Variants in SRBD1 observed in about 807,000 individuals in gnomAD.
SRBD1 encodes S1 RNA-binding domain-containing protein 1.
In SRBD1, 88 loss-of-function variants were observed where a neutral mutation model predicts 115.3. That is an observed-to-expected ratio of 0.76 (90% CI 0.64 to 0.91). The LOEUF (loss-of-function observed/expected upper bound fraction) is 0.91. SRBD1 is among the 40% of genes least tolerant of loss of function. SRBD1 has a pLI of 0.00. For synonymous variants in SRBD1, 509 were observed against 407.7 expected, an observed-to-expected ratio of 1.25 and a Z score of -2.99; for missense variants, 1,385 against 1,177.4, an observed-to-expected ratio of 1.18 and a Z score of -2.58.
chr2:45,532,102 T>C (rs1433743015), intron 14 of SRBD1, among the ~76,000 whole-genome samples: 3 of 151,722 alleles, frequency 2.0e-5, no homozygotes, highest in Non-Finnish European at 4.4e-5. Context: ...AAAAAGAACA[T>C]GTTCTTAACT....
At chr2:45,507,268 T>G (rs1670826512) in intron 14 of SRBD1, among the ~76,000 whole-genome samples, 1 of 151,974 alleles carries the variant, frequency 6.6e-6, no homozygotes, top group South Asian at 2.1e-4. Flanking sequence ...ATATTAACAG[T>G]GGTCAGTTTT....
At chr2:45,558,556 T>C (rs1672554477) in intron 10 of SRBD1, among the ~76,000 whole-genome samples, 1 of 152,176 alleles carries the variant, frequency 6.6e-6, no homozygotes, top group Admixed American at 6.5e-5. Flanking sequence ...TATTCCTTGT[T>C]ATGCTAATTA....
chr2:45,511,401 T>G (rs547767279), intron 14 of SRBD1, among the ~76,000 whole-genome samples: 3 of 152,298 alleles, frequency 2.0e-5, no homozygotes, highest in African/African-American at 7.2e-5. Flanking sequence ...CATTTATAAT[T>G]TATCCACAGA....
intron 19 of SRBD1, among the ~76,000 whole-genome samples, chr2:45,407,250 T>C (rs1667463531): frequency 6.6e-6 from 1 of 152,200 alleles, no homozygotes; most frequent in South Asian, 2.1e-4. Flanking sequence ...ATGAAGGTTG[T>C]TTGTACTGGA....
intron 16 of SRBD1, among the ~76,000 whole-genome samples, chr2:45,455,633 C>G (rs954431134): frequency 2.6e-5 from 4 of 151,756 alleles, no homozygotes; most frequent in Admixed American, 1.3e-4. Context: ...CCTGTCACCC[C>G]CCTTCTGATA....
At chr2:45,459,825 C>T (rs1413413789) in intron 16 of SRBD1, among the ~76,000 whole-genome samples, 1 of 152,106 alleles carries the variant, frequency 6.6e-6, no homozygotes, top group Non-Finnish European at 1.5e-5. Flanking sequence ...GGGTCCAGGG[C>T]TCTGTGTTCT....
At chr2:45,591,807 G>T (rs1002487584) in intron 4 of SRBD1, among the ~76,000 whole-genome samples, 1 of 152,142 alleles carries the variant, frequency 6.6e-6, no homozygotes, top group Non-Finnish European at 1.5e-5. Flanking sequence ...TTTCCTGATG[G>T]TCCATACTTA....
intron 9 of SRBD1, among the ~76,000 whole-genome samples, chr2:45,563,073 C>G (rs1477707038): frequency 6.6e-6 from 1 of 152,044 alleles, no homozygotes; most frequent in African/African-American, 2.4e-5. Context: ...GAAGGGTATA[C>G]TTTTTATAAT....
chr2:45,451,181 T>C (rs1366140673), intron 16 of SRBD1, among the ~76,000 whole-genome samples: 2 of 152,092 alleles, frequency 1.3e-5, no homozygotes. Context: ...TTGTTTCTCA[T>C]TAAGTGATCA....
chr2:45,552,922 T>C (rs1572767456), intron 11 of SRBD1, among the ~76,000 whole-genome samples: 2 of 152,228 alleles, frequency 1.3e-5, no homozygotes, highest in South Asian at 4.1e-4. Flanking sequence ...GTTGAAGAGA[T>C]GGCTACAAAA....
rs1668066059 is a variant in SRBD1, at chr2:45,423,511, G to C, written c.2050-3617C>G. 1.3e-5 allele frequency among the ~76,000 whole-genome samples: 2 copies of C among 151,926 alleles called. 1 individual carries two copies. Among genetic ancestry groups the C allele is most frequent in the South Asian group, 4.1e-4 (2 of 4,824 alleles). On this transcript the variant is annotated intron_variant, in intron 16 of 20. Transcript: ENST00000263736. ...AACATTGCCAAAACTGACTCAAGAA[G>C]AAATATAAAATCTGAACAAACCTAT... is the stretch of plus-strand genomic sequence containing the variant.
chr2:45,505,967 TGTCA>T (rs1400623390), intron 14 of SRBD1, among the ~76,000 whole-genome samples: 3 of 152,208 alleles, frequency 2.0e-5, no homozygotes, highest in African/African-American at 7.2e-5. Context: ...TGTTTGTGAA[TGTCA>T]GTCAATTATC....
intron 16 of SRBD1, among the ~76,000 whole-genome samples, chr2:45,426,919 C>T (rs1668171673): frequency 6.6e-6 from 1 of 152,196 alleles, no homozygotes; most frequent in Admixed American, 6.5e-5. Flanking sequence ...GCTGAAAATT[C>T]CAAAAACCAG....
chr2:45,447,430 G>C (rs1160354455), intron 16 of SRBD1: 2 of 146,550 alleles, frequency 1.4e-5, no homozygotes, highest in Admixed American at 6.9e-5. Flanking sequence ...CCTGGCGACA[G>C]AGCGAGGCTC....
chr2:45,417,621 GTTC>G (rs755597150), intron 18 of SRBD1, among the ~76,000 whole-genome samples: 2 of 152,182 alleles, frequency 1.3e-5, no homozygotes, highest in South Asian at 2.1e-4. Flanking sequence ...ATACGTAAAT[GTTC>G]TTCTTTCATG....
chr2:45,517,620 G>A (rs1006883480), intron 14 of SRBD1, among the ~76,000 whole-genome samples: 2 of 152,170 alleles, frequency 1.3e-5, no homozygotes, highest in African/African-American at 4.8e-5. Flanking sequence ...ATGAGTTTCA[G>A]AAATAACTTG....
rs114435767 is a variant in SRBD1 at position 45,509,915 on chromosome 2, A to G, written c.1875-21584T>C. Among the ~76,000 whole-genome samples the G allele has an allele frequency of 5.0e-3, 768 of 152,162 alleles. 12 individuals are homozygous for G. The highest frequency in any genetic ancestry group is 0.018 in the African/African-American group (727 of 41,502). On this transcript the variant is annotated intron_variant, in intron 14 of 20. Coordinates refer to ENST00000263736, the MANE Select transcript of SRBD1 (RefSeq NM_018079.5). ...ATGTCCATCTAATTTTTAAATATTC[A>G]GTAGAGACAAGGTCTCACTACGTTG...
intron 16 of SRBD1, among the ~76,000 whole-genome samples, chr2:45,469,497 G>A (rs574260263): frequency 6.6e-5 from 10 of 152,238 alleles, no homozygotes; most frequent in Non-Finnish European, 1.2e-4. Context: ...TTCAAATCAT[G>A]CTATCATTTC....
At chr2:45,549,735 T>A (rs1012923564) in intron 12 of SRBD1, among the ~76,000 whole-genome samples, 2 of 144,124 alleles carry the variant, frequency 1.4e-5, no homozygotes, top group Non-Finnish European at 3.0e-5. Context: ...TGGTGGTGCG[T>A]GCCTATGGTC....
Sources: allele counts gnomAD v4.1 joint callset (sites outside exome capture counted in the v4.1 genomes callset), GRCh38; gene constraint gnomAD v4.1.1; transcripts MANE v1.5; gene names NCBI Gene and HGNC (gene_info 2026-07-23, HGNC 2026-07-21).